SLC9B2: variants seen among roughly 807,000 people sequenced by gnomAD.
SLC9B2 encodes sodium/hydrogen exchanger 9B2.
Under a neutral mutation model 52.2 loss-of-function variants are expected in SLC9B2, and 39 were observed. That is an observed-to-expected ratio of 0.75 (90% CI 0.58 to 0.98). SLC9B2 has a LOEUF of 0.98. Among genes scored for constraint, SLC9B2 ranks in the 50% least tolerant of loss-of-function variants. The probability of loss-of-function intolerance (pLI) is 0.00; values close to 1 mark genes in which losing one functional copy is unlikely to be tolerated. For missense variants in SLC9B2, 626 were observed against 637.5 expected (o/e 0.98, Z 0.19); for synonymous variants, 214 against 227.0 (o/e 0.94, Z 0.51).
chr4:103,037,681 G>T (rs1211822133), intron 9 of SLC9B2, among the ~76,000 whole-genome samples: 1 of 152,140 alleles, frequency 6.6e-6, no homozygotes, highest in Non-Finnish European at 1.5e-5. Context: ...CAAGGCACTT[G>T]CCTCTCAGCA....
At chr4:103,045,065 T>A (rs1400844607) in intron 7 of SLC9B2, 69 bp from the exon 8 acceptor site, 1 of 990,378 alleles carries the variant, frequency 1.0e-6, no homozygotes, top group Admixed American at 2.0e-5. Context: ...TCCACAATCA[T>A]CAACATGAAG....
intron 4 of SLC9B2, 123 bp from the exon 5 acceptor site, chr4:103,050,505 T>A: frequency 1.1e-6 from 1 of 900,170 alleles, no homozygotes; most frequent in South Asian, 4.7e-5. Context: ...TTAGAAGAAA[T>A]TAAGTTAAAC....
rs1257187199 is a variant in SLC9B2, at chr4:103,059,725, CT to C, written c.272-1755del. 7.9e-5 allele frequency among the ~76,000 whole-genome samples: 12 copies of C among 152,284 alleles called. No individual in the cohort carries two copies. The South Asian group carries it at 1.2e-3, about 16-fold the overall frequency. On this transcript the variant is annotated intron_variant, in intron 3 of 11. Coordinates refer to ENST00000394785, the MANE Select transcript of SLC9B2 (RefSeq NM_178833.7). ...GGGCCAGGAAAAATTATACACAAAA[CT>C]GCAAATTCCATACACTCTAACAAAA...
intron 10 of SLC9B2, 89 bp from the exon 11 acceptor site, chr4:103,028,972 G>A: frequency 4.4e-6 from 5 of 1,125,570 alleles, no homozygotes; most frequent in Non-Finnish European, 6.0e-6. Flanking sequence ...ACCATCAACA[G>A]AAATAATTTT....
At chr4:103,066,232 A>G in intron 3 of SLC9B2, 95 bp downstream of exon 3, 1 of 1,399,854 alleles carries the variant, frequency 7.1e-7, no homozygotes, top group Non-Finnish European at 9.7e-7. Flanking sequence ...GTTTGGGAGA[A>G]GTGAACTTCT....
intron 1 of SLC9B2, among the ~76,000 whole-genome samples, chr4:103,075,922 A>G (rs1417693090): frequency 6.6e-6 from 1 of 152,204 alleles, no homozygotes; most frequent in Non-Finnish European, 1.5e-5. Context: ...TCAATAGCAT[A>G]CGATGATTCT....
intron 9 of SLC9B2, among the ~76,000 whole-genome samples, chr4:103,033,668 G>A (rs1193738657): frequency 2.0e-5 from 3 of 152,046 alleles, no homozygotes; most frequent in African/African-American, 7.2e-5. Flanking sequence ...CACAAATAAC[G>A]TACAAGCTGA....
At position 103,057,759 on chromosome 4, in the gene SLC9B2, T is replaced by C. The variant is rs375931702; in HGVS notation, c.442+42A>G. The C allele has an allele frequency of 2.6e-5, 40 of 1,541,784 alleles. No individual in the cohort carries two copies. In the African/African-American group the frequency reaches 5.1e-4, roughly 20 times the overall value. ...GCTTTCCAAACTATTATCTTAAAAA[T>C]ATAGTTTACTCTGGATAGAACAGGA... On this transcript the variant is annotated intron_variant, in intron 4 of 11. Coordinates refer to ENST00000394785, the MANE Select transcript of SLC9B2 (RefSeq NM_178833.7).
intron 4 of SLC9B2, among the ~76,000 whole-genome samples, chr4:103,051,743 C>T (rs1744704870): frequency 6.6e-6 from 1 of 152,154 alleles, no homozygotes; most frequent in Non-Finnish European, 1.5e-5. Flanking sequence ...AGTTTCTGTA[C>T]CTATTCAAGT....
chr4:103,073,597 G>C (rs1269509387), intron 1 of SLC9B2, among the ~76,000 whole-genome samples: 1 of 152,144 alleles, frequency 6.6e-6, no homozygotes, highest in Admixed American at 6.5e-5. Context: ...ATGTGGCCAA[G>C]TTACCAAAGG....
chr4:103,030,361 T>TAA (rs1324334173), intron 10 of SLC9B2, among the ~76,000 whole-genome samples: 1 of 152,108 alleles, frequency 6.6e-6, no homozygotes, highest in African/African-American at 2.4e-5. Flanking sequence ...AATAGGAAGT[T>TAA]TAAGAACTTA....
intron 1 of SLC9B2, among the ~76,000 whole-genome samples, chr4:103,070,977 C>T (rs906159732): frequency 6.6e-6 from 1 of 151,988 alleles, no homozygotes. Context: ...GTTTTCTTAA[C>T]CTTTTCTCCC....
At position 103,066,424 on chromosome 4, in the gene SLC9B2, C is replaced by CT; in HGVS notation, c.173dup (p.Leu59AlafsTer7). On this transcript the variant is annotated frameshift_variant, in exon 3 of 12. Transcript: ENST00000394785. The stretch of plus-strand genomic sequence containing the variant: ...TTGCTTCAGTTGGTGTTTCTTGTAG[C>CT]TTTTTTTCACTGCTTTTCAAAAGAA... The CT allele has an allele frequency of 6.2e-7, 1 of 1,613,968 alleles. No homozygotes were observed. The highest frequency in any genetic ancestry group is 1.1e-5 in the South Asian group (1 of 91,068).
Position 103,048,889 on chromosome 4 carries a change from T to A in SLC9B2, c.713+4A>T, listed in dbSNP as rs1744406858. 6.2e-7 allele frequency: 1 copy of A among 1,612,966 alleles called. No individual in the cohort carries two copies. Among genetic ancestry groups the A allele is most frequent in the African/African-American group, 1.3e-5 (1 of 74,988 alleles). ...TTTTCATATGACAAAGAAACAATCA[T>A]TACCCCAGTATAAATCCCCATTGCC... is the stretch of plus-strand genomic sequence containing the variant. On this transcript the variant is annotated splice_donor_region_variant and intron_variant, in intron 6 of 11. Coordinates refer to ENST00000394785, the MANE Select transcript of SLC9B2 (RefSeq NM_178833.7).
intron 9 of SLC9B2, among the ~76,000 whole-genome samples, chr4:103,036,701 T>A: frequency 6.6e-6 from 1 of 151,628 alleles, no homozygotes; most frequent in Non-Finnish European, 1.5e-5. Flanking sequence ...ACTAAAAGGT[T>A]TTAATAATGA....
At chr4:103,077,310 C>T (rs183203832), upstream of SLC9B2, 5 of 152,328 alleles carry the variant, frequency 3.3e-5, no homozygotes, top group Admixed American at 2.6e-4. Flanking sequence ...TACCCTTCTT[C>T]AGATCATCTG....
chr4:103,071,810 C>T (rs1746662119), intron 1 of SLC9B2, among the ~76,000 whole-genome samples: 1 of 151,914 alleles, frequency 6.6e-6, no homozygotes, highest in Admixed American at 6.6e-5. Context: ...CCTGCCTGGC[C>T]CTAATTTTAA....
At chr4:103,048,127 C>T (rs1245945772) in intron 6 of SLC9B2, among the ~76,000 whole-genome samples, 1 of 152,170 alleles carries the variant, frequency 6.6e-6, no homozygotes, top group Non-Finnish European at 1.5e-5. Context: ...ATGACAGTCA[C>T]ATTGATACCA....
In SLC9B2 at chr4:103,026,442, G is replaced by C. The variant is rs1742217131; in HGVS notation, c.1542C>G (p.Pro514=). 1 of 1,613,718 alleles carries C rather than the reference G, an allele frequency of 6.2e-7. No individual in the cohort carries two copies. Among genetic ancestry groups the C allele is most frequent in the Non-Finnish European group, 8.5e-7 (1 of 1,179,876 alleles). Residue 514 remains proline (P), a synonymous_variant, in exon 12 of 12, where the codon CCC becomes CCG. Coordinates refer to ENST00000394785, the MANE Select transcript of SLC9B2 (RefSeq NM_178833.7). ...GATGTTCAACTTTCTGCAGAAGCCT[G>C]GGGCCCAGTAAACCAATAAGCAGAC... ...IGSLLIGLLG[P]RLLQKVEHQN... is the part of the protein sequence containing the mutation.
Sources: allele counts gnomAD v4.1 joint callset (sites outside exome capture counted in the v4.1 genomes callset), GRCh38; gene constraint gnomAD v4.1.1; transcripts MANE v1.5; gene names NCBI Gene and HGNC (gene_info 2026-07-23, HGNC 2026-07-21).